Variants in LCORL observed in about 807,000 individuals in gnomAD.
LCORL encodes the protein ligand-dependent nuclear receptor corepressor-like protein.
LCORL carries 41 observed loss-of-function variants against 141.8 expected under a neutral mutation model. That is an observed-to-expected ratio of 0.29 (90% CI 0.23 to 0.38). The LOEUF (loss-of-function observed/expected upper bound fraction) is 0.38. Ranked by LOEUF, LCORL falls within the 10% of genes least tolerant of loss-of-function variation. The pLI is 1.00. For missense variants in LCORL, 1,759 were observed against 2,035.0 expected, an observed-to-expected ratio of 0.86 and a Z score of 2.61; for synonymous variants, 618 against 694.1, an observed-to-expected ratio of 0.89 and a Z score of 1.72.
At chr4:17,993,216 T>C (rs927425787) in intron 1 of LCORL, among the ~76,000 whole-genome samples, 11 of 152,190 alleles carry the variant, frequency 7.2e-5, no homozygotes, top group Admixed American at 7.2e-4. Context: ...ATTAAATTTA[T>C]TTATTTTAGA....
chr4:17,978,368 A>G (rs945188452), intron 1 of LCORL, among the ~76,000 whole-genome samples: 3 of 152,220 alleles, frequency 2.0e-5, no homozygotes, highest in East Asian at 3.9e-4. Context: ...GGGTGAGGTT[A>G]AGAAGATCAC....
At position 17,884,598 on chromosome 4, in the gene LCORL, G is replaced by A; in HGVS notation, c.776+1470C>T. The A allele has an allele frequency of 1.3e-6, 2 of 1,545,984 alleles. No homozygotes were observed. Among genetic ancestry groups the A allele is most frequent in the Middle Eastern group, 3.4e-4 (2 of 5,940 alleles). On this transcript the variant is annotated intron_variant, in intron 6 of 7. Coordinates refer to ENST00000635767, the Ensembl canonical transcript of LCORL. The surrounding 1 kb of genome is among the most constrained non-coding windows in gnomAD (Gnocchi z 4.4). ...TTCCCTGCTGGTAAGGCTTCTAAGT[G>A]AAGAAGTAAAGTTTTTTGAGGTATG...
intron 1 of LCORL, among the ~76,000 whole-genome samples, chr4:18,014,532 C>T (rs1724313140): frequency 6.6e-6 from 1 of 151,822 alleles, no homozygotes; most frequent in East Asian, 1.9e-4. Context: ...GTAATAATAG[C>T]TTGGCAACAG....
chr4:17,846,288 C>T (rs1241336870), intron 7 of LCORL, among the ~76,000 whole-genome samples: 3 of 152,158 alleles, frequency 2.0e-5, no homozygotes, highest in Non-Finnish European at 4.4e-5. Context: ...ATGCCTATTA[C>T]GTTCTAGCCA....
At chr4:17,882,224 C>T in intron 6 of LCORL, 1 of 984,454 alleles carries the variant, frequency 1.0e-6, no homozygotes, top group Non-Finnish European at 1.2e-6. Flanking sequence ...TGACAAGGTG[C>T]ACTTATTTTT....
chr4:17,876,686 A>C, exon 7 of LCORL: 1 of 1,230,776 alleles, frequency 8.1e-7, no homozygotes, highest in Non-Finnish European at 1.0e-6. Context: ...TTCTGCTCAA[A>C]AGTCCAGAAA....
chr4:18,016,019 CTCTAGAATAG>C (rs1478953009), intron 1 of LCORL, among the ~76,000 whole-genome samples: 2 of 151,932 alleles, frequency 1.3e-5, no homozygotes, highest in Non-Finnish European at 2.9e-5. Flanking sequence ...AATTCTATGG[CTCTAGAATAG>C]TCTAGAATAC....
At chr4:17,958,270 C>G (rs1456305294) in intron 4 of LCORL, among the ~76,000 whole-genome samples, 1 of 151,178 alleles carries the variant, frequency 6.6e-6, no homozygotes, top group African/African-American at 2.4e-5. Flanking sequence ...GAATGCTAAG[C>G]ATGTGTGGGT....
chr4:17,910,349 T>C (rs1346991903), intron 4 of LCORL, among the ~76,000 whole-genome samples: 1 of 152,168 alleles, frequency 6.6e-6, no homozygotes, highest in Non-Finnish European at 1.5e-5. Flanking sequence ...AGGTGATTGG[T>C]AAATTGGGAA....
chr4:18,010,117 C>G (rs1448363750), intron 1 of LCORL, among the ~76,000 whole-genome samples: 2 of 152,148 alleles, frequency 1.3e-5, no homozygotes, highest in Non-Finnish European at 2.9e-5. Flanking sequence ...AGAGTACCTG[C>G]TTTTTTTCCA....
intron 7 of LCORL, among the ~76,000 whole-genome samples, chr4:17,849,758 T>C (rs1391601584): frequency 2.0e-5 from 3 of 152,092 alleles, no homozygotes; most frequent in East Asian, 1.9e-4. Context: ...AATGACTTTC[T>C]TCACAGAATT....
Position 17,945,017 on chromosome 4 carries a change from A to G in LCORL, c.430+16886T>C, listed in dbSNP as rs112659380. Among the ~76,000 whole-genome samples, 725 of 152,290 alleles carry G rather than the reference A, an allele frequency of 4.8e-3. 3 individuals are homozygous for G. Among genetic ancestry groups the G allele is most frequent in the African/African-American group, 0.016 (686 of 41,578 alleles). On this transcript the variant is annotated intron_variant, in intron 4 of 7. Transcript: ENST00000635767. ...TAAAATAAAAATGGTGAAATAATAT[A>G]CAAAACTAATTTATCACACTTCCCA...
intron 1 of LCORL, among the ~76,000 whole-genome samples, chr4:17,985,852 AG>A: frequency 6.6e-6 from 1 of 152,280 alleles, no homozygotes; most frequent in Middle Eastern, 3.4e-3. Flanking sequence ...GTTGCTTTAC[AG>A]TGTCACTTGT....
chr4:17,879,534 C>T lies in LCORL; in HGVS notation c.777-1321G>A, dbSNP rs111488347. Among the ~76,000 whole-genome samples, 932 of 151,034 alleles carry T rather than the reference C, an allele frequency of 6.2e-3. 19 individuals are homozygous for T. The highest frequency in any genetic ancestry group is 0.021 in the African/African-American group (885 of 41,408). On this transcript the variant is annotated intron_variant, in intron 6 of 7. Coordinates refer to ENST00000635767, the Ensembl canonical transcript of LCORL. ...AGACAGATGAAGATAGGACATGACC[C>T]CAGTATCCTTTCCTTTTTGAAAATA...
At chr4:17,847,304 C>G (rs1723047183) in intron 7 of LCORL, among the ~76,000 whole-genome samples, 1 of 152,276 alleles carries the variant, frequency 6.6e-6, no homozygotes, top group South Asian at 2.1e-4. Context: ...GGTTCAGGGT[C>G]TCATATTTAA....
intron 1 of LCORL, among the ~76,000 whole-genome samples, chr4:17,983,861 T>C (rs1307029934): frequency 6.6e-6 from 1 of 152,202 alleles, no homozygotes; most frequent in African/African-American, 2.4e-5. Context: ...TCAAGGGTAA[T>C]GCTTCCAGCT....
chr4:17,890,057 C>T (rs1040462009), intron 5 of LCORL, among the ~76,000 whole-genome samples: 1 of 152,008 alleles, frequency 6.6e-6, no homozygotes, highest in African/African-American at 2.4e-5. Flanking sequence ...TCTTATTACA[C>T]TGTAATTTAT....
intron 4 of LCORL, among the ~76,000 whole-genome samples, chr4:17,951,219 T>C (rs947994579): frequency 2.0e-5 from 3 of 152,250 alleles, no homozygotes; most frequent in Non-Finnish European, 4.4e-5. Context: ...CAAAGTGCTA[T>C]TGACGATCAT....
At chr4:17,896,308 A>T (rs1242406452) in intron 5 of LCORL, among the ~76,000 whole-genome samples, 1 of 149,960 alleles carries the variant, frequency 6.7e-6, no homozygotes, top group Non-Finnish European at 1.5e-5. Context: ...TTCAAGAGGG[A>T]GTTTCGCTCT....
Sources: gnomAD v4.1 joint callset for allele counts (sites outside exome capture counted in the v4.1 genomes callset) on GRCh38, gnomAD v4.1.1 for gene constraint, Gnocchi (gnomAD v3.1) non-coding constraint, MANE v1.5 for transcripts, NCBI Gene and HGNC (gene_info 2026-07-23, HGNC 2026-07-21) for gene names.